The following ATP9B variants were observed in gnomAD, a reference collection of about 807,000 sequenced individuals.
ATP9B encodes probable phospholipid-transporting ATPase IIB.
A neutral mutation model predicts 146.1 loss-of-function variants in ATP9B; 110 were observed. The ratio of observed to expected loss-of-function variants is 0.75; its 90% CI spans 0.65 to 0.88. The LOEUF (loss-of-function observed/expected upper bound fraction) is 0.88, where lower values mean the gene tolerates loss of function less well. Among genes scored for constraint, ATP9B ranks in the 40% least tolerant of loss-of-function variants. ATP9B has a pLI of 0.00. For synonymous variants in ATP9B, 604 were observed against 569.7 expected (o/e 1.06, Z -0.86); for missense variants, 1,499 against 1,496.4 (o/e 1.00, Z -0.03).
chr18:79,072,740 G>C (rs1386384142), intron 1 of ATP9B, among the ~76,000 whole-genome samples: 1 of 86,988 alleles, frequency 1.1e-5, no homozygotes, highest in Non-Finnish European at 2.5e-5. Flanking sequence ...CTGGGCGGGG[G>C]CGCCCCCCAC....
intron 6 of ATP9B, chr18:79,146,918 T>TA (rs1019385522): frequency 6.6e-6 from 1 of 152,060 alleles, no homozygotes; most frequent in Non-Finnish European, 1.5e-5. Flanking sequence ...ACAGAATGGA[T>TA]AAAAAACAAA....
intron 4 of ATP9B, among the ~76,000 whole-genome samples, chr18:79,120,249 T>A (rs117090528): frequency 6.6e-6 from 1 of 152,206 alleles, no homozygotes; most frequent in Non-Finnish European, 1.5e-5. Flanking sequence ...GAAAAAGATA[T>A]CAGTTAACAT....
chr18:79,197,302 C>A (rs2095425768), intron 9 of ATP9B, among the ~76,000 whole-genome samples: 1 of 151,998 alleles, frequency 6.6e-6, no homozygotes, highest in Admixed American at 6.5e-5. Context: ...ATATCAGAAT[C>A]TGAATCTGTT....
intron 11 of ATP9B, among the ~76,000 whole-genome samples, chr18:79,219,817 A>G (rs1202383314): frequency 1.3e-5 from 2 of 152,230 alleles, no homozygotes; most frequent in African/African-American, 4.8e-5. Context: ...GATATAAGAA[A>G]GAAGTTAATC....
At chr18:79,306,232 C>T (rs117149401) in intron 14 of ATP9B, among the ~76,000 whole-genome samples, 3 of 152,338 alleles carry the variant, frequency 2.0e-5, no homozygotes, top group East Asian at 3.9e-4. Context: ...ACTGAAGAAA[C>T]GTTTGACATC....
chr18:79,127,633 C>G (rs2094309060), intron 5 of ATP9B, among the ~76,000 whole-genome samples: 1 of 152,118 alleles, frequency 6.6e-6, no homozygotes, highest in Non-Finnish European at 1.5e-5. Flanking sequence ...GGGGTTGTTT[C>G]TACTTTGTGA....
chr18:79,241,560 G>A (rs2095889380), intron 11 of ATP9B, among the ~76,000 whole-genome samples: 1 of 152,152 alleles, frequency 6.6e-6, no homozygotes. Context: ...CTAACTACAA[G>A]CAGCATTCAT....
At chr18:79,263,090 T>G (rs1300639918) in intron 12 of ATP9B, among the ~76,000 whole-genome samples, 1 of 152,244 alleles carries the variant, frequency 6.6e-6, no homozygotes, top group Non-Finnish European at 1.5e-5. Context: ...TTTTATTTCA[T>G]TTTTAATAGA....
Position 79,079,295 on chromosome 18 carries a change from CT to C in ATP9B, c.119+9767del, listed in dbSNP as rs531049082. 1.0e-3 allele frequency among the ~76,000 whole-genome samples: 156 copies of C among 152,310 alleles called. 2 individuals carry two copies. Among genetic ancestry groups the C allele is most frequent in the African/African-American group, 3.6e-3 (151 of 41,562 alleles). ...TCCCACCAACAGTATAAAAGTGTTC[CT>C]GTTTCTCCATGTCCTCTCCAGCATC... On this transcript the variant is annotated intron_variant, in intron 1 of 29. Transcript: ENST00000426216.
At chr18:79,121,871 C>T (rs1377248189) in intron 4 of ATP9B, among the ~76,000 whole-genome samples, 6 of 152,198 alleles carry the variant, frequency 3.9e-5, no homozygotes, top group African/African-American at 1.4e-4. Context: ...TTTATTCTGT[C>T]TTCTCTAATA....
intron 2 of ATP9B, among the ~76,000 whole-genome samples, chr18:79,097,799 C>T (rs1046596562): frequency 6.9e-6 from 1 of 145,218 alleles, no homozygotes; most frequent in Non-Finnish European, 1.5e-5. Flanking sequence ...GGGTTGGTTC[C>T]AAGTCTTTGC....
In ATP9B at chr18:79,329,382, G is replaced by A; in HGVS notation, c.1935+80G>A. Reference sequence around the variant, plus strand: ...CTTTTAAACACAGATTTTCCCAAAAGAAAGTTAAACATTTACTCAGGTGCT... The same window carrying A: ...CTTTTAAACACAGATTTTCCCAAAAAAAAGTTAAACATTTACTCAGGTGCT... On this transcript the variant is annotated intron_variant, in intron 16 of 29. Transcript: ENST00000426216. 2.8e-6 allele frequency: 4 copies of A among 1,411,720 alleles called. No individual in the cohort carries two copies. The South Asian group carries it at 6.6e-5, about 23-fold the overall frequency. 87.4% of individuals were successfully genotyped at this position (1,411,720 alleles called of 1,614,324 possible).
intron 7 of ATP9B, among the ~76,000 whole-genome samples, chr18:79,157,206 A>G (rs1055891994): frequency 8.9e-6 from 1 of 112,108 alleles, no homozygotes; most frequent in Admixed American, 8.6e-5. Flanking sequence ...ACTAAAAAAA[A>G]TACACACACA....
intron 1 of ATP9B, among the ~76,000 whole-genome samples, chr18:79,073,972 C>T (rs751995657): frequency 1.3e-5 from 2 of 152,084 alleles, no homozygotes; most frequent in Non-Finnish European, 2.9e-5. Flanking sequence ...TTTCGATTGT[C>T]TCTTGGGTAT....
intron 12 of ATP9B, among the ~76,000 whole-genome samples, chr18:79,264,021 G>C (rs778640047): frequency 5.9e-5 from 9 of 152,098 alleles, no homozygotes; most frequent in Non-Finnish European, 1.0e-4. Context: ...GAAGGCGGAG[G>C]TTGCAGTGAG....
At chr18:79,136,370 T>A (rs992600954) in intron 5 of ATP9B, among the ~76,000 whole-genome samples, 4 of 152,238 alleles carry the variant, frequency 2.6e-5, no homozygotes, top group African/African-American at 9.6e-5. Flanking sequence ...AGTTGTCTTT[T>A]ATCTCAGCTT....
rs540313645 is a variant in ATP9B, at chr18:79,201,539, G to A, written c.955-5398G>A. 2.4e-4 allele frequency among the ~76,000 whole-genome samples: 36 copies of A among 152,188 alleles called. 1 individual carries two copies. The highest frequency in any genetic ancestry group is 4.3e-4 in the African/African-American group (18 of 41,534). On this transcript the variant is annotated intron_variant, in intron 9 of 29. Coordinates refer to ENST00000426216, the MANE Select transcript of ATP9B (RefSeq NM_198531.5). ...AGGTGGGAGTTGAGCCCAGGAGTTCGAGACCAGCCTGGGCAACATTGGGAG... is the reference window on the plus strand; with the variant it reads ...AGGTGGGAGTTGAGCCCAGGAGTTCAAGACCAGCCTGGGCAACATTGGGAG...
chr18:79,311,949 C>G (rs1484060707), intron 15 of ATP9B, among the ~76,000 whole-genome samples: 27 of 152,236 alleles, frequency 1.8e-4, no homozygotes, highest in Non-Finnish European at 7.3e-5. Flanking sequence ...GGCGCACTTG[C>G]ACGCAGCCAT....
chr18:79,249,863 A>G (rs1053841987), intron 11 of ATP9B, among the ~76,000 whole-genome samples: 1 of 152,214 alleles, frequency 6.6e-6, no homozygotes, highest in African/African-American at 2.4e-5. Flanking sequence ...AATAAAAGCA[A>G]CCTACAAGCT....
Sources: gnomAD v4.1 joint callset for allele counts (sites outside exome capture counted in the v4.1 genomes callset) on GRCh38, gnomAD v4.1.1 for gene constraint, MANE v1.5 for transcripts, NCBI Gene and HGNC (gene_info 2026-07-23, HGNC 2026-07-21) for gene names.